Variants in SYNGR1 observed in about 807,000 individuals in gnomAD.
The protein encoded by SYNGR1 is synaptogyrin 1.
A neutral mutation model predicts 26.1 loss-of-function variants in SYNGR1; 14 were observed. The ratio of observed to expected loss-of-function variants is 0.54; its 90% CI spans 0.35 to 0.84. SYNGR1 has a LOEUF of 0.84. SYNGR1 is among the 40% of genes least tolerant of loss of function. SYNGR1 has a pLI of 0.01. For missense variants in SYNGR1, 319 were observed against 332.9 expected (o/e 0.96, Z 0.33); for synonymous variants, 141 against 150.1 (o/e 0.94, Z 0.44).
At chr22:39,376,276 CCT>C (rs1386423416) in intron 3 of SYNGR1, 79 bp downstream of exon 3, 1 of 1,608,038 alleles carries the variant, frequency 6.2e-7, no homozygotes, top group Non-Finnish European at 8.5e-7. Flanking sequence ...CTTTCGCTAG[CCT>C]GGGACCCGCT....
Position 39,374,731 on chromosome 22 carries a change from C to T in SYNGR1, c.337+178C>T, listed in dbSNP as rs1181730315. ...CAGGAAGGATGGGACCAGGACAGGG[C>T]CTGGGACCCCAAAATAACCCATGCT... is the stretch of plus-strand genomic sequence containing the variant. On this transcript the variant is annotated intron_variant, in intron 2 of 3. Transcript: ENST00000328933. 5.9e-6 allele frequency: 4 copies of T among 679,802 alleles called. No homozygotes were observed. The African/African-American group carries it at 7.2e-5, about 12-fold the overall frequency. The allele number at this position is 679,802 out of a possible 1,614,324, so 42.1% of individuals were successfully genotyped here.
At chr22:39,375,907 C>CT (rs749334832) in intron 2 of SYNGR1, 145 bp from the exon 3 acceptor site, 1 of 1,102,638 alleles carries the variant, frequency 9.1e-7, no homozygotes, top group Non-Finnish European at 1.4e-6. Context: ...CCCCTACCCC[C>CT]TTTGCCTGTC....
At chr22:39,378,005 C>T (rs1468718855) in intron 3 of SYNGR1, 3 of 1,218,586 alleles carry the variant, frequency 2.5e-6, no homozygotes, top group Non-Finnish European at 3.1e-6. Context: ...ATATCTCTTC[C>T]AAATGGACAG....
intron 1 of SYNGR1, among the ~76,000 whole-genome samples, chr22:39,351,174 G>A (rs901801429): frequency 5.9e-5 from 9 of 152,162 alleles, no homozygotes; most frequent in Admixed American, 5.9e-4. Flanking sequence ...GGCCTCTGCA[G>A]GCCTGGGGCC....
At chr22:39,370,337 A>G (rs925767826) in intron 1 of SYNGR1, among the ~76,000 whole-genome samples, 1 of 151,754 alleles carries the variant, frequency 6.6e-6, no homozygotes, top group Non-Finnish European at 1.5e-5. Flanking sequence ...TCACCGTGTT[A>G]GCCAGGATGG....
chr22:39,378,500 C>G, intron 3 of SYNGR1: 3 of 982,670 alleles, frequency 3.1e-6, no homozygotes, highest in African/African-American at 1.7e-5. Flanking sequence ...GTCTCTGGTT[C>G]TACACAGGTT....
intron 1 of SYNGR1, among the ~76,000 whole-genome samples, chr22:39,366,679 T>C (rs1374339520): frequency 6.6e-6 from 1 of 151,848 alleles, no homozygotes; most frequent in East Asian, 1.9e-4. Flanking sequence ...ACCCACCACT[T>C]CTCCCCATCT....
intron 3 of SYNGR1, among the ~76,000 whole-genome samples, chr22:39,378,947 C>T (rs1334896610): frequency 6.6e-6 from 1 of 152,214 alleles, no homozygotes; most frequent in African/African-American, 2.4e-5. Flanking sequence ...GAGGCATCTC[C>T]CTAGAAGGAT....
chr22:39,372,660 G>A (rs1323169086), intron 1 of SYNGR1, among the ~76,000 whole-genome samples: 1 of 150,778 alleles, frequency 6.6e-6, no homozygotes, highest in Admixed American at 6.6e-5. Context: ...GTAGAGACAG[G>A]GTTTCTCCAT....
chr22:39,384,393 A>T lies in SYNGR1; in HGVS notation c.*2479A>T, dbSNP rs1346651311. 1 of 397,712 alleles carries T rather than the reference A, an allele frequency of 2.5e-6. No homozygotes were observed. The highest frequency in any genetic ancestry group is 4.4e-6 in the Non-Finnish European group (1 of 225,934). The allele number at this position is 397,712 out of a possible 1,614,324, so 24.6% of individuals were successfully genotyped here. A position where few individuals can be genotyped will look rare whatever the true frequency, so the allele number is the denominator to read the frequency against. On this transcript the variant is annotated 3_prime_UTR_variant, in exon 4 of 4. Coordinates refer to ENST00000328933, the MANE Select transcript of SYNGR1 (RefSeq NM_004711.5). ...CTCCTGCCAGGAATGGGGGGTGCTG[A>T]GTCATCTCACGAAGAATCCCTCACT...
At chr22:39,367,925 A>G (rs576986389) in intron 1 of SYNGR1, among the ~76,000 whole-genome samples, 1 of 151,586 alleles carries the variant, frequency 6.6e-6, no homozygotes, top group East Asian at 1.9e-4. Context: ...TGCTCCAGCC[A>G]TATTCCTTCC....
intron 3 of SYNGR1, among the ~76,000 whole-genome samples, chr22:39,379,105 T>A (rs542843311): frequency 6.6e-6 from 1 of 152,252 alleles, no homozygotes; most frequent in African/African-American, 2.4e-5. Context: ...AGGGCTCAAG[T>A]GTACCCTCAG....
chr22:39,375,607 G>A, intron 2 of SYNGR1: 1 of 419,464 alleles, frequency 2.4e-6, no homozygotes, highest in Non-Finnish European at 4.3e-6. Context: ...TCATTTGTCT[G>A]GCAGCCTGAG....
intron 3 of SYNGR1, 99 bp downstream of exon 3, chr22:39,376,296 T>C: frequency 6.3e-7 from 1 of 1,591,196 alleles, no homozygotes; most frequent in Non-Finnish European, 8.6e-7. Context: ...GCTCTGCCTC[T>C]GGGAGCCCAC....
chr22:39,374,813 A>C, intron 2 of SYNGR1: 1 of 549,690 alleles, frequency 1.8e-6, no homozygotes, highest in Non-Finnish European at 3.3e-6. Flanking sequence ...TAAGGGACCC[A>C]TGGATGGCAC....
intron 1 of SYNGR1, among the ~76,000 whole-genome samples, chr22:39,363,757 A>G (rs1754060053): frequency 1.3e-5 from 2 of 152,012 alleles, no homozygotes; most frequent in Non-Finnish European, 2.9e-5. Flanking sequence ...GCACCTGGAC[A>G]TGGGCAGGGG....
rs1169390928 is a variant in SYNGR1 at position 39,384,737 on chromosome 22, G to C, written c.*2823G>C. ...GCCCTCCTGCAGCTGGACCCTGCAGGGTGGCTCCCTCCTCCCCATCAAGCA... is the reference window on the plus strand; with the variant it reads ...GCCCTCCTGCAGCTGGACCCTGCAGCGTGGCTCCCTCCTCCCCATCAAGCA... On this transcript the variant is annotated 3_prime_UTR_variant, in exon 4 of 4. Transcript: ENST00000328933. The C allele has an allele frequency of 5.0e-6, 2 of 399,014 alleles. No homozygotes were observed. The highest frequency in any genetic ancestry group is 4.1e-5 in the African/African-American group (2 of 48,596). 24.7% of individuals were successfully genotyped at this position (399,014 alleles called of 1,614,324 possible).
At chr22:39,361,262 GAA>G (rs1476298003) in intron 1 of SYNGR1, among the ~76,000 whole-genome samples, 1 of 151,844 alleles carries the variant, frequency 6.6e-6, no homozygotes, top group Non-Finnish European at 1.5e-5. Flanking sequence ...CAGCAGGAGA[GAA>G]ACCAAACAAC....
At position 39,382,122 on chromosome 22, in the gene SYNGR1, G is replaced by A. The variant is rs899274016; in HGVS notation, c.*208G>A. Reference sequence around the variant, plus strand: ...AAGTATATCCCAGGGCATGTGCCCCGCAGGGGCCTAGAGGGTGGGGGCCAG... The same window carrying A: ...AAGTATATCCCAGGGCATGTGCCCCACAGGGGCCTAGAGGGTGGGGGCCAG... On this transcript the variant is annotated 3_prime_UTR_variant, in exon 4 of 4. Transcript: ENST00000328933. 1.6e-5 allele frequency: 10 copies of A among 626,948 alleles called. No homozygotes were observed. The highest frequency in any genetic ancestry group is 1.3e-4 in the South Asian group (7 of 52,978). 38.8% of individuals were successfully genotyped at this position (626,948 alleles called of 1,614,324 possible). A position where few individuals can be genotyped will look rare whatever the true frequency, so the allele number is the denominator to read the frequency against.
Sources: gnomAD v4.1 joint callset for allele counts (sites outside exome capture counted in the v4.1 genomes callset) on GRCh38, gnomAD v4.1.1 for gene constraint, MANE v1.5 for transcripts, NCBI Gene and HGNC (gene_info 2026-07-23, HGNC 2026-07-21) for gene names.